The following C12orf56 variants were observed in gnomAD, a reference collection of about 807,000 sequenced individuals.
C12orf56 encodes the protein uncharacterized protein C12orf56.
C12orf56 carries 71 observed loss-of-function variants against 69.9 expected under a neutral mutation model. The observed-to-expected ratio is 1.02, with a 90% CI of 0.84 to 1.24. The LOEUF is 1.24. Ranked by LOEUF, C12orf56 falls within the 50% of genes most tolerant of loss-of-function variation. The pLI is 0.00. For synonymous variants in C12orf56, 276 were observed against 274.1 expected (o/e 1.01, Z -0.07); for missense variants, 732 against 738.5 (o/e 0.99, Z 0.10).
intron 1 of C12orf56, among the ~76,000 whole-genome samples, chr12:64,371,982 T>C (rs1404956282): frequency 1.3e-5 from 2 of 150,588 alleles, no homozygotes; most frequent in Non-Finnish European, 2.9e-5. Context: ...GGCTTCACCA[T>C]GGTGGCCAGG....
intron 2 of C12orf56, among the ~76,000 whole-genome samples, chr12:64,339,517 A>C (rs2039045650): frequency 6.6e-6 from 1 of 152,024 alleles, no homozygotes; most frequent in African/African-American, 2.4e-5. Context: ...CCAACTTGGG[A>C]GCTCTCCAAA....
chr12:64,277,887 AATT>A, intron 8 of C12orf56, 84 bp from the exon 9 acceptor site: 2 of 1,130,032 alleles, frequency 1.8e-6, no homozygotes, highest in Non-Finnish European at 2.4e-6. Flanking sequence ...CACTGGATAT[AATT>A]ATGTTTAAAA....
intron 1 of C12orf56, among the ~76,000 whole-genome samples, chr12:64,385,837 C>G (rs1242701895): frequency 6.6e-6 from 1 of 152,146 alleles, no homozygotes; most frequent in Non-Finnish European, 1.5e-5. Flanking sequence ...TACTCTTTCT[C>G]TATTGTGATT....
In C12orf56 at chr12:64,275,376, G is replaced by C. The variant is rs927581303; in HGVS notation, c.1435-4C>G. The stretch of plus-strand genomic sequence containing the variant: ...ACTCCAGAATAAGCTTCTGTAACTA[G>C]AATTTTCAAGAATAATCAATGCAAT... On this transcript the variant is annotated splice_region_variant and splice_polypyrimidine_tract_variant and intron_variant, in intron 9 of 12. Transcript: ENST00000543942. 10 of 1,301,678 alleles carry C rather than the reference G, an allele frequency of 7.7e-6. No homozygotes were observed. The highest frequency in any genetic ancestry group is 6.1e-5 in the African/African-American group (4 of 65,570). The allele number at this position is 1,301,678 out of a possible 1,614,324, so 80.6% of individuals were successfully genotyped here.
intron 1 of C12orf56, among the ~76,000 whole-genome samples, chr12:64,389,757 A>G (rs1592513100): frequency 6.6e-6 from 1 of 152,168 alleles, no homozygotes; most frequent in South Asian, 2.1e-4. Flanking sequence ...TTGGCCTCCC[A>G]AAGTGTAAGG....
chr12:64,278,140 A>G (rs1052428677), intron 8 of C12orf56, among the ~76,000 whole-genome samples: 3 of 152,200 alleles, frequency 2.0e-5, no homozygotes, highest in African/African-American at 7.2e-5. Flanking sequence ...TGCTAATTCC[A>G]GACAATATTA....
At chr12:64,354,252 A>C (rs117543861) in intron 1 of C12orf56, among the ~76,000 whole-genome samples, 326 of 152,332 alleles carry the variant, frequency 2.1e-3, no homozygotes, top group Non-Finnish European at 4.3e-3. Flanking sequence ...TTCACTTTCT[A>C]TGACAAGCAG....
At chr12:64,377,807 T>C (rs940466589) in intron 1 of C12orf56, among the ~76,000 whole-genome samples, 2 of 152,140 alleles carry the variant, frequency 1.3e-5, no homozygotes, top group African/African-American at 4.8e-5. Context: ...TAAGATGGGT[T>C]TCTGTTTTCA....
At chr12:64,383,666 C>T (rs137902751) in intron 1 of C12orf56, among the ~76,000 whole-genome samples, 1,842 of 152,022 alleles carry the variant, frequency 0.012, 34 homozygotes, top group African/African-American at 0.041. Context: ...TGAGCCACCA[C>T]GCTGGGCCCA....
Position 64,353,082 on chromosome 12 carries a change from T to C in C12orf56, c.253-26A>G, listed in dbSNP as rs562187612. ...CTGGAAAAAAAATTAATTCACCTCA[T>C]TGAAGACAAATACAACTGCTTACCT... On this transcript the variant is annotated intron_variant, in intron 1 of 12. Coordinates refer to ENST00000543942, the MANE Select transcript of C12orf56 (RefSeq NM_001170633.2). The C allele has an allele frequency of 2.3e-4, 377 of 1,606,146 alleles. 5 individuals carry two copies. In the South Asian group the frequency reaches 3.1e-3, roughly 13 times the overall value.
chr12:64,347,284 C>T (rs954374396), intron 2 of C12orf56, among the ~76,000 whole-genome samples: 2 of 121,808 alleles, frequency 1.6e-5, no homozygotes, highest in Admixed American at 9.0e-5. Context: ...AGCCTAGTAA[C>T]TTTTTTTTTT....
At position 64,352,980 on chromosome 12, in the gene C12orf56, G is replaced by C; in HGVS notation, c.329C>G (p.Thr110Ser). The part of the protein sequence containing the change: ...SQHIRIIYSS[T>S]VLKKECKKSN... ...CTTTTTACACTCTTTTTTCAAAACG[G>C]TTGAAGAATAGATGATACGAATGTG... Residue 110 changes from threonine to serine, a missense_variant, in exon 2 of 13, where the codon ACC becomes AGC. Coordinates refer to ENST00000543942, the MANE Select transcript of C12orf56 (RefSeq NM_001170633.2). 6.2e-7 allele frequency: 1 copy of C among 1,612,254 alleles called. No homozygotes were observed. The highest frequency in any genetic ancestry group is 8.5e-7 in the Non-Finnish European group (1 of 1,179,376).
At chr12:64,313,455 G>A (rs924179077) in intron 4 of C12orf56, among the ~76,000 whole-genome samples, 1 of 151,864 alleles carries the variant, frequency 6.6e-6, no homozygotes, top group Non-Finnish European at 1.5e-5. Context: ...GCTGAGGCAG[G>A]TGGATCAAAA....
At chr12:64,338,584 A>C in intron 2 of C12orf56, 1 of 1,564,586 alleles carries the variant, frequency 6.4e-7, no homozygotes, top group Non-Finnish European at 8.8e-7. Context: ...TGGACATCTG[A>C]ATTTTCTTCT....
At chr12:64,370,253 G>A (rs940796882) in intron 1 of C12orf56, among the ~76,000 whole-genome samples, 18 of 151,776 alleles carry the variant, frequency 1.2e-4, no homozygotes, top group Admixed American at 2.0e-4. Context: ...GCTGAGGCTG[G>A]AGAATTGCTT....
intron 8 of C12orf56, among the ~76,000 whole-genome samples, chr12:64,284,195 G>C (rs985458875): frequency 1.5e-4 from 23 of 152,114 alleles, no homozygotes; most frequent in African/African-American, 5.1e-4. Flanking sequence ...ACCGTGCCTG[G>C]CCTAGAGTGT....
chr12:64,348,096 T>C (rs1337732902), intron 2 of C12orf56, among the ~76,000 whole-genome samples: 3 of 147,166 alleles, frequency 2.0e-5, no homozygotes, highest in Non-Finnish European at 3.0e-5. Flanking sequence ...CTGGTCAACA[T>C]GGCAAAACCC....
In C12orf56 at chr12:64,272,068, C is replaced by T. The variant is rs1254635292; in HGVS notation, c.1585-1354G>A. On this transcript the variant is annotated intron_variant, in intron 11 of 12. Coordinates refer to ENST00000543942, the MANE Select transcript of C12orf56 (RefSeq NM_001170633.2). ...ACTTTAGAGGCTGGTAAAGAAACTT[C>T]CTTTTAGCCAGAGTACAGTGGCACA... Among the ~76,000 whole-genome samples, 8 of 152,250 alleles carry T rather than the reference C, an allele frequency of 5.3e-5. 1 individual carries two copies. Among genetic ancestry groups the T allele is most frequent in the Admixed American group, 4.6e-4 (7 of 15,288 alleles).
chr12:64,296,223 C>A (rs541067507), intron 6 of C12orf56, among the ~76,000 whole-genome samples: 74 of 152,222 alleles, frequency 4.9e-4, no homozygotes, highest in African/African-American at 1.7e-3. Flanking sequence ...GCCTAGATTG[C>A]AATAATTGGA....
Sources: gnomAD v4.1 joint callset for allele counts (sites outside exome capture counted in the v4.1 genomes callset) on GRCh38, gnomAD v4.1.1 for gene constraint, MANE v1.5 for transcripts, NCBI Gene and HGNC (gene_info 2026-07-23, HGNC 2026-07-21) for gene names.